MREG: variants seen among roughly 807,000 people sequenced by gnomAD.
MREG encodes the protein dilute suppressor protein homolog.
A neutral mutation model predicts 28.5 loss-of-function variants in MREG; 31 were observed. The ratio of observed to expected loss-of-function variants is 1.09; its 90% CI spans 0.82 to 1.47. The LOEUF (loss-of-function observed/expected upper bound fraction) is 1.47, where lower values mean the gene tolerates loss of function less well. MREG is among the 40% of genes most tolerant of loss of function. The probability of loss-of-function intolerance (pLI) is 0.00; values close to 1 mark genes in which losing one functional copy is unlikely to be tolerated. For synonymous variants in MREG, 106 were observed against 95.2 expected, an observed-to-expected ratio of 1.11 and a Z score of -0.66; for missense variants, 256 against 257.4, an observed-to-expected ratio of 0.99 and a Z score of 0.04.
At chr2:215,993,247 A>G (rs1693769066) in intron 2 of MREG, among the ~76,000 whole-genome samples, 1 of 152,210 alleles carries the variant, frequency 6.6e-6, no homozygotes, top group African/African-American at 2.4e-5. Context: ...AACAGAACAG[A>G]GGCCTCAGAA....
intron 1 of MREG, among the ~76,000 whole-genome samples, chr2:215,998,976 TGAG>T (rs1693943551): frequency 1.3e-5 from 2 of 152,238 alleles, no homozygotes; most frequent in South Asian, 4.2e-4. Flanking sequence ...TTATGTATGA[TGAG>T]AAGGAAGTTC....
intron 2 of MREG, among the ~76,000 whole-genome samples, chr2:215,979,163 A>G (rs1693341015): frequency 6.6e-6 from 1 of 152,214 alleles, no homozygotes; most frequent in Admixed American, 6.5e-5. Context: ...ATTCCTGTTA[A>G]CATTTAAAAT....
chr2:215,957,687 A>G (rs1048218002), intron 2 of MREG, among the ~76,000 whole-genome samples: 13 of 152,078 alleles, frequency 8.5e-5, no homozygotes, highest in African/African-American at 3.1e-4. Flanking sequence ...CCCCAGGAAG[A>G]CTTACCTAAG....
chr2:215,977,304 G>A (rs1369651566), intron 2 of MREG, among the ~76,000 whole-genome samples: 2 of 152,204 alleles, frequency 1.3e-5, no homozygotes, highest in African/African-American at 4.8e-5. Flanking sequence ...TAATGGTAAA[G>A]GGATCTATTC....
At chr2:215,969,623 G>A (rs141652356) in intron 2 of MREG, among the ~76,000 whole-genome samples, 10 of 152,230 alleles carry the variant, frequency 6.6e-5, no homozygotes, top group African/African-American at 1.9e-4. Flanking sequence ...CTTTTATAAC[G>A]GGCAATAATC....
intron 1 of MREG, among the ~76,000 whole-genome samples, chr2:216,001,456 G>A (rs915218936): frequency 2.6e-5 from 4 of 152,124 alleles, no homozygotes; most frequent in Admixed American, 2.0e-4. Context: ...TATTCTCTGC[G>A]AGCTCCTGGG....
intron 1 of MREG, among the ~76,000 whole-genome samples, chr2:216,022,444 CT>C (rs1207817991): frequency 6.6e-6 from 1 of 152,180 alleles, no homozygotes; most frequent in Non-Finnish European, 1.5e-5. Context: ...TAAGTAGATT[CT>C]TATAGCTAAC....
At chr2:215,954,285 CTT>C (rs1205188625) in intron 2 of MREG, among the ~76,000 whole-genome samples, 3 of 152,190 alleles carry the variant, frequency 2.0e-5, no homozygotes, top group Non-Finnish European at 4.4e-5. Flanking sequence ...TCAAAGTTCA[CTT>C]TTGATTAAAA....
intron 2 of MREG, among the ~76,000 whole-genome samples, chr2:215,995,509 A>ACCCCCCCC (rs1212242370): frequency 1.1e-5 from 1 of 95,136 alleles, no homozygotes; most frequent in South Asian, 3.9e-4. Flanking sequence ...CACCCACCCC[A>ACCCCCCCC]CCCCCCGCCA....
chr2:216,026,208 T>G (rs1694591984), intron 1 of MREG, among the ~76,000 whole-genome samples: 1 of 152,188 alleles, frequency 6.6e-6, no homozygotes, highest in Admixed American at 6.5e-5. Flanking sequence ...GGACAGAATA[T>G]GAAGAACAAC....
rs373723376 is a variant in MREG at position 215,947,088 on chromosome 2, A to G, written c.281T>C (p.Ile94Thr). Residue 94 changes from isoleucine (I) to threonine (T), a missense_variant, in exon 3 of 5, where the codon ATC becomes ACC. By Grantham distance (89) the Ile-to-Thr change is moderately conservative. Coordinates refer to ENST00000263268, the MANE Select transcript of MREG (RefSeq NM_018000.3). ...SEEWQKLNYD[I>T]HTLRQVRREV... Reference sequence around the variant, plus strand: ...CCTTCGAACCTGCCGCAGGGTATGGATATCATAGTTGAGCTTCTGCCACTC... The same window carrying G: ...CCTTCGAACCTGCCGCAGGGTATGGGTATCATAGTTGAGCTTCTGCCACTC... The G allele has an allele frequency of 3.1e-6, 5 of 1,612,864 alleles. No individual in the cohort carries two copies. Among genetic ancestry groups the G allele is most frequent in the Non-Finnish European group, 4.2e-6 (5 of 1,179,216 alleles).
chr2:216,023,158 C>T (rs895180022), intron 1 of MREG, among the ~76,000 whole-genome samples: 1 of 152,186 alleles, frequency 6.6e-6, no homozygotes, highest in Admixed American at 6.5e-5. Flanking sequence ...TGGACCTCCC[C>T]GACAAAGGTT....
chr2:215,998,329 T>G (rs1470920816), intron 1 of MREG, among the ~76,000 whole-genome samples: 4 of 145,094 alleles, frequency 2.8e-5, no homozygotes, highest in Non-Finnish European at 6.0e-5. Flanking sequence ...AAAATAATAA[T>G]AATAATAATA....
intron 1 of MREG, among the ~76,000 whole-genome samples, chr2:216,000,453 C>A (rs1693988119): frequency 6.6e-6 from 1 of 152,096 alleles, no homozygotes; most frequent in Non-Finnish European, 1.5e-5. Flanking sequence ...TCACCCAGAC[C>A]TGGCACAGAG....
At chr2:215,970,098 C>T (rs539926664) in intron 2 of MREG, among the ~76,000 whole-genome samples, 2 of 152,284 alleles carry the variant, frequency 1.3e-5, no homozygotes, top group African/African-American at 4.8e-5. Context: ...AGAATGTGAC[C>T]TTATTTAGAC....
downstream of MREG, among the ~76,000 whole-genome samples, chr2:215,941,141 T>C (rs1408669863): frequency 6.6e-6 from 1 of 151,640 alleles, no homozygotes; most frequent in Non-Finnish European, 1.5e-5. Flanking sequence ...AGGCTCAACA[T>C]TCCCGCTTCC....
At chr2:215,993,917 A>G (rs1693786831) in intron 2 of MREG, among the ~76,000 whole-genome samples, 1 of 152,190 alleles carries the variant, frequency 6.6e-6, no homozygotes, top group South Asian at 2.1e-4. Flanking sequence ...GAAACAACAG[A>G]TGCTGGAGAG....
intron 2 of MREG, among the ~76,000 whole-genome samples, chr2:215,950,577 T>C (rs919787839): frequency 6.6e-6 from 1 of 152,214 alleles, no homozygotes; most frequent in African/African-American, 2.4e-5. Context: ...TCAATGAAAC[T>C]ATGGATGTCA....
intron 1 of MREG, among the ~76,000 whole-genome samples, chr2:216,001,380 A>T (rs1694009239): frequency 6.6e-6 from 1 of 152,130 alleles, no homozygotes; most frequent in African/African-American, 2.4e-5. Flanking sequence ...TATTCAGGGG[A>T]TGATGTAAAT....
Sources: gnomAD v4.1 joint callset for allele counts (sites outside exome capture counted in the v4.1 genomes callset) on GRCh38, gnomAD v4.1.1 for gene constraint, MANE v1.5 for transcripts, NCBI Gene and HGNC (gene_info 2026-07-23, HGNC 2026-07-21) for gene names.